Variants in GNAI3 observed in about 807,000 individuals in gnomAD.
GNAI3 encodes G protein subunit alpha i3, also known as guanine nucleotide-binding protein G(i) subunit alpha-3.
In GNAI3, 12 loss-of-function variants were observed where a neutral mutation model predicts 41.8. The observed-to-expected ratio is 0.29, with a 90% CI of 0.18 to 0.47. The LOEUF (loss-of-function observed/expected upper bound fraction) is 0.47, where lower values mean the gene tolerates loss of function less well. GNAI3 is among the 20% of genes least tolerant of loss of function. GNAI3 has a pLI of 1.00. For missense variants in GNAI3, 360 were observed against 429.6 expected (o/e 0.84, Z 1.43); for synonymous variants, 132 against 146.5 (o/e 0.90, Z 0.71).
In GNAI3 at chr1:109,598,878, A is replaced by C; in HGVS notation, c.*6556A>C. The C allele has an allele frequency of 1.9e-6, 1 of 534,376 alleles. No individual in the cohort carries two copies. Among genetic ancestry groups the C allele is most frequent in the Non-Finnish European group, 3.8e-6 (1 of 259,748 alleles). The allele number at this position is 534,376 out of a possible 1,614,324, so 33.1% of individuals were successfully genotyped here. ...TGGCCCAACACCGAAATCCTTCTGGAATCTGTGCTCTGGGGGCTGTGCCGG... is the reference window on the plus strand; with the variant it reads ...TGGCCCAACACCGAAATCCTTCTGGCATCTGTGCTCTGGGGGCTGTGCCGG... On this transcript the variant is annotated 3_prime_UTR_variant, in exon 9 of 9. Coordinates refer to ENST00000369851, the MANE Select transcript of GNAI3 (RefSeq NM_006496.4).
intron 5 of GNAI3, among the ~76,000 whole-genome samples, chr1:109,585,220 C>T (rs1649003182): frequency 6.6e-6 from 1 of 152,160 alleles, no homozygotes; most frequent in Non-Finnish European, 1.5e-5. Context: ...TGCATGTGTA[C>T]ATCATTAGAC....
At chr1:109,580,306 A>AT (rs908924659) in intron 4 of GNAI3, among the ~76,000 whole-genome samples, 12 of 151,160 alleles carry the variant, frequency 7.9e-5, no homozygotes, top group African/African-American at 2.4e-4. Context: ...TCCGGAATGT[A>AT]TTTTTTTTTA....
At chr1:109,573,617 C>A in intron 1 of GNAI3, 120 bp from the exon 2 acceptor site, 1 of 747,374 alleles carries the variant, frequency 1.3e-6, no homozygotes, top group South Asian at 1.6e-5. Context: ...ACATGAAAGC[C>A]TCACCAAAAT....
rs538494265 is a variant in GNAI3 at position 109,570,541 on chromosome 1, C to T, written c.119-3196C>T. On this transcript the variant is annotated intron_variant, in intron 1 of 8. Transcript: ENST00000369851. ...ATATAACACAGAATAAGGGGAGAGA[C>T]TGTGACGGGGTGGGAGCTATTTAGA... Among the ~76,000 whole-genome samples the T allele has an allele frequency of 9.9e-5, 15 of 152,262 alleles. No homozygotes were observed. The South Asian group carries it at 3.1e-3, about 32-fold the overall frequency.
intron 1 of GNAI3, among the ~76,000 whole-genome samples, chr1:109,549,959 A>T (rs111532042): frequency 9.0e-4 from 137 of 152,270 alleles, no homozygotes; most frequent in African/African-American, 3.2e-3. Flanking sequence ...ATTATTAGTG[A>T]AGATTTTCTA....
intron 1 of GNAI3, among the ~76,000 whole-genome samples, chr1:109,572,125 T>G (rs1303114666): frequency 6.6e-6 from 1 of 151,832 alleles, no homozygotes; most frequent in East Asian, 1.9e-4. Context: ...CTGGCTAATA[T>G]GGTGAAAAAC....
chr1:109,577,957 G>A (rs113258924), intron 3 of GNAI3, among the ~76,000 whole-genome samples: 140 of 152,026 alleles, frequency 9.2e-4, no homozygotes, highest in African/African-American at 3.2e-3. Context: ...TTCTTTACAC[G>A]TTATATACTT....
chr1:109,575,519 C>A (rs1648715349), intron 3 of GNAI3, among the ~76,000 whole-genome samples: 1 of 148,698 alleles, frequency 6.7e-6, no homozygotes, highest in Non-Finnish European at 1.5e-5. Flanking sequence ...TATTTATCTC[C>A]CTACCCTTTC....
intron 7 of GNAI3, among the ~76,000 whole-genome samples, chr1:109,590,755 G>C (rs1051834463): frequency 6.6e-6 from 1 of 151,930 alleles, no homozygotes; most frequent in Non-Finnish European, 1.5e-5. Flanking sequence ...TAGTAGAGAT[G>C]TGGTTTCACT....
intron 1 of GNAI3, among the ~76,000 whole-genome samples, chr1:109,570,525 A>G (rs1648563798): frequency 6.6e-6 from 1 of 152,226 alleles, no homozygotes; most frequent in Admixed American, 6.5e-5. Context: ...AATATAACAC[A>G]GAATAAGGGG....
chr1:109,563,934 T>C (rs779293920), intron 1 of GNAI3, among the ~76,000 whole-genome samples: 14 of 152,160 alleles, frequency 9.2e-5, no homozygotes, highest in Admixed American at 3.3e-4. Flanking sequence ...CTATAAGTAT[T>C]CCCTTTTATG....
intron 3 of GNAI3, 46 bp downstream of exon 3, chr1:109,574,083 A>G (rs780438911): frequency 3.3e-6 from 5 of 1,506,220 alleles, no homozygotes; most frequent in Non-Finnish European, 4.5e-6. Flanking sequence ...TTCAGCAGAT[A>G]CAGTTAAGTT....
chr1:109,594,745 C>G lies in GNAI3; in HGVS notation c.*2423C>G, dbSNP rs771824854. 1 of 150,596 alleles carries G rather than the reference C, an allele frequency of 6.6e-6. No homozygotes were observed. The highest frequency in any genetic ancestry group is 2.5e-5 in the African/African-American group (1 of 40,694). 9.3% of individuals were successfully genotyped at this position (150,596 alleles called of 1,614,324 possible). ...TCGGCTTATTGCAAGCTCTGCCTCCCGGGTTCATGCTATTCTCCTGCTGGG... is the reference window on the plus strand; with the variant it reads ...TCGGCTTATTGCAAGCTCTGCCTCCGGGGTTCATGCTATTCTCCTGCTGGG... On this transcript the variant is annotated 3_prime_UTR_variant, in exon 9 of 9. Coordinates refer to ENST00000369851, the MANE Select transcript of GNAI3 (RefSeq NM_006496.4).
intron 5 of GNAI3, among the ~76,000 whole-genome samples, chr1:109,585,767 C>T (rs916270252): frequency 1.3e-5 from 2 of 152,098 alleles, no homozygotes; most frequent in Non-Finnish European, 2.9e-5. Flanking sequence ...AATAATAGTA[C>T]TTCTAGGAGT....
chr1:109,552,315 T>A (rs1460935857), intron 1 of GNAI3, among the ~76,000 whole-genome samples: 1 of 152,218 alleles, frequency 6.6e-6, no homozygotes, highest in Admixed American at 6.5e-5. Flanking sequence ...TTACAAATTT[T>A]TTATAGCATT....
At chr1:109,552,177 AT>A (rs1288501846) in intron 1 of GNAI3, among the ~76,000 whole-genome samples, 11 of 152,132 alleles carry the variant, frequency 7.2e-5, no homozygotes, top group South Asian at 6.2e-4. Flanking sequence ...AAAAAAAAAA[AT>A]AAAGTGTTCT....
intron 1 of GNAI3, among the ~76,000 whole-genome samples, chr1:109,572,070 G>C (rs770417905): frequency 1.2e-4 from 18 of 152,198 alleles, no homozygotes; most frequent in Non-Finnish European, 2.6e-4. Context: ...CACTTTAGGA[G>C]GCTGAGGCGG....
chr1:109,589,369 G>C (rs1214460704), intron 7 of GNAI3, among the ~76,000 whole-genome samples: 1 of 152,194 alleles, frequency 6.6e-6, no homozygotes, highest in Non-Finnish European at 1.5e-5. Context: ...TTGACCTGCT[G>C]TTGAGAGCAG....
chr1:109,582,959 A>G (rs1032295668), intron 5 of GNAI3, among the ~76,000 whole-genome samples: 1 of 152,112 alleles, frequency 6.6e-6, no homozygotes, highest in African/African-American at 2.4e-5. Context: ...GGTTAGTTAC[A>G]TGGTTTTGTT....
Sources: allele counts gnomAD v4.1 joint callset (sites outside exome capture counted in the v4.1 genomes callset), GRCh38; gene constraint gnomAD v4.1.1; transcripts MANE v1.5; gene names NCBI Gene and HGNC (gene_info 2026-07-23, HGNC 2026-07-21).